Variants in EIF4G3 observed in about 807,000 individuals in gnomAD.
The protein encoded by EIF4G3 is eukaryotic translation initiation factor 4 gamma 3, also known as eIF-4-gamma 3.
Under a neutral mutation model 186.4 loss-of-function variants are expected in EIF4G3, and 34 were observed. The observed-to-expected ratio is 0.18, with a 90% CI of 0.14 to 0.24. The LOEUF is 0.24. Ranked by LOEUF, EIF4G3 falls within the 10% of genes least tolerant of loss-of-function variation. EIF4G3 has a pLI of 1.00. For synonymous variants in EIF4G3, 673 were observed against 679.5 expected (o/e 0.99, Z 0.15); for missense variants, 1,536 against 1,948.5 (o/e 0.79, Z 3.99).
chr1:21,117,802 G>A (rs1173273263), intron 2 of EIF4G3, among the ~76,000 whole-genome samples: 1 of 149,784 alleles, frequency 6.7e-6, no homozygotes, highest in Non-Finnish European at 1.5e-5. Flanking sequence ...CGCCTCTTTA[G>A]GGGATATCTC....
intron 13 of EIF4G3, among the ~76,000 whole-genome samples, chr1:20,946,984 A>AT (rs2095978405): frequency 6.6e-6 from 1 of 152,222 alleles, no homozygotes; most frequent in Non-Finnish European, 1.5e-5. Flanking sequence ...TGGGAGTAAT[A>AT]TAACAATCTT....
Position 20,853,567 on chromosome 1 carries a change from A to T in EIF4G3, c.3544T>A (p.Leu1182Ile), listed in dbSNP as rs1171327726. The change falls in exon 27 of 37, where the codon TTA becomes ATA. Residue 1182 changes from leucine to isoleucine, a missense_variant. Leu to Ile is a conservative substitution (Grantham distance 5, BLOSUM62 2). Around this residue, in one of 11 missense-constraint regions of EIF4G3, gnomAD observed 395 missense variants for 498.9 expected, o/e 0.79. Transcript: ENST00000602326. The part of the protein sequence containing the change: ...TPVEFDSRRT[L>I]TSRGSMGREK... The stretch of plus-strand genomic sequence containing the variant: ...AAAAAGCAGGGTTCTCACCTAGTTA[A>T]GGTCCTTCGGGAATCAAACTCTACA... The T allele has an allele frequency of 6.2e-7, 1 of 1,610,966 alleles. No homozygotes were observed. Among genetic ancestry groups the T allele is most frequent in the Non-Finnish European group, 8.5e-7 (1 of 1,177,288 alleles).
chr1:20,954,038 C>T (rs894657276), intron 12 of EIF4G3, among the ~76,000 whole-genome samples: 1 of 152,158 alleles, frequency 6.6e-6, no homozygotes, highest in Non-Finnish European at 1.5e-5. Flanking sequence ...AAAATATTTG[C>T]TGACCTGTAT....
chr1:20,810,784 T>A lies in EIF4G3; in HGVS notation c.4698A>T (p.Ala1566=), dbSNP rs753444949. 7 of 1,614,032 alleles carry A rather than the reference T, an allele frequency of 4.3e-6. No homozygotes were observed. Residue 1566 remains alanine (A), a synonymous_variant, in exon 36 of 37, where the codon GCA becomes GCT. Coordinates refer to ENST00000602326, the MANE Select transcript of EIF4G3 (RefSeq NM_001391906.1). This position sits in a 1 kb window ranked among gnomAD's most constrained non-coding sequence, Gnocchi z 4.1. Reference sequence around the variant, plus strand: ...CTATCGATGCTTGTAGTGCATAAAGTGCTTGCAGTTCCTTCTCTGTATCTG... The same window carrying A: ...CTATCGATGCTTGTAGTGCATAAAGAGCTTGCAGTTCCTTCTCTGTATCTG... The part of the protein sequence containing the change: ...LDSDTEKELQ[A]LYALQASIVK...
chr1:21,021,272 C>T (rs2090609382), intron 4 of EIF4G3, among the ~76,000 whole-genome samples: 2 of 152,346 alleles, frequency 1.3e-5, no homozygotes, highest in East Asian at 1.9e-4. Context: ...TCATAAACCA[C>T]TGTGCCCAGC....
At chr1:21,113,667 A>G (rs1307482841) in intron 2 of EIF4G3, among the ~76,000 whole-genome samples, 2 of 152,154 alleles carry the variant, frequency 1.3e-5, no homozygotes, top group Non-Finnish European at 2.9e-5. Context: ...CCTGGAAAAT[A>G]CTGGTGCACT....
chr1:20,917,633 A>G (rs1018238054), intron 14 of EIF4G3, among the ~76,000 whole-genome samples: 3 of 152,236 alleles, frequency 2.0e-5, no homozygotes, highest in African/African-American at 7.2e-5. Flanking sequence ...GTAGTAGTGC[A>G]GGAGGGAGGG....
chr1:20,878,088 A>G (rs1378806106), intron 20 of EIF4G3, among the ~76,000 whole-genome samples: 2 of 152,162 alleles, frequency 1.3e-5, no homozygotes, highest in Non-Finnish European at 2.9e-5. Context: ...GCTGGTCTCA[A>G]ACTCCTGATC....
intron 14 of EIF4G3, among the ~76,000 whole-genome samples, chr1:20,926,936 A>T (rs561524130): frequency 5.4e-4 from 82 of 152,352 alleles, no homozygotes; most frequent in African/African-American, 1.9e-3. Flanking sequence ...CAATATGCAT[A>T]AAGTACTACG....
intron 14 of EIF4G3, among the ~76,000 whole-genome samples, chr1:20,910,180 A>G (rs779057523): frequency 6.6e-6 from 1 of 152,218 alleles, no homozygotes; most frequent in Non-Finnish European, 1.5e-5. Flanking sequence ...GGAGACAATT[A>G]AAATTAAAAA....
intron 7 of EIF4G3, among the ~76,000 whole-genome samples, chr1:20,984,557 T>TAC (rs1028577507): frequency 1.0e-5 from 1 of 97,694 alleles, no homozygotes; most frequent in African/African-American, 3.5e-5. Flanking sequence ...TATATATATA[T>TAC]ATACACACAC....
chr1:21,164,874 T>C (rs888712720), intron 2 of EIF4G3, among the ~76,000 whole-genome samples: 3 of 151,970 alleles, frequency 2.0e-5, no homozygotes, highest in Non-Finnish European at 2.9e-5. Context: ...AATGAAAAGA[T>C]AAGCCACTAA....
intron 2 of EIF4G3, among the ~76,000 whole-genome samples, chr1:21,133,386 G>T (rs564806624): frequency 1.3e-4 from 20 of 152,082 alleles, no homozygotes; most frequent in African/African-American, 4.6e-4. Flanking sequence ...CACCACGCCC[G>T]GCTAATTTTT....
chr1:20,986,088 T>C (rs2079403290), intron 7 of EIF4G3, among the ~76,000 whole-genome samples: 1 of 152,172 alleles, frequency 6.6e-6, no homozygotes, highest in Non-Finnish European at 1.5e-5. Flanking sequence ...CTCCCTAGCA[T>C]CCTGTCCCTC....
At chr1:20,866,995 A>G (rs902228867) in intron 20 of EIF4G3, among the ~76,000 whole-genome samples, 1 of 152,220 alleles carries the variant, frequency 6.6e-6, no homozygotes, top group African/African-American at 2.4e-5. Context: ...TAGAAAAGAG[A>G]GAAATGAGGA....
intron 4 of EIF4G3, among the ~76,000 whole-genome samples, chr1:21,044,073 A>G (rs999998505): frequency 6.6e-6 from 1 of 152,204 alleles, no homozygotes; most frequent in Non-Finnish European, 1.5e-5. Context: ...AAAGCCTACC[A>G]TGATTCTTTG....
chr1:20,877,939 G>A (rs532083186), intron 20 of EIF4G3, among the ~76,000 whole-genome samples: 1 of 152,312 alleles, frequency 6.6e-6, no homozygotes, highest in Admixed American at 6.5e-5. Context: ...AGCCTCCTGA[G>A]TTCAAGTGAT....
chr1:21,011,810 T>G (rs910997320), intron 4 of EIF4G3, among the ~76,000 whole-genome samples: 2 of 152,208 alleles, frequency 1.3e-5, no homozygotes, highest in African/African-American at 4.8e-5. Flanking sequence ...TATACTGTAT[T>G]GATCAAGTGA....
intron 18 of EIF4G3, among the ~76,000 whole-genome samples, chr1:20,892,943 T>C (rs1183141032): frequency 6.6e-6 from 1 of 152,114 alleles, no homozygotes; most frequent in African/African-American, 2.4e-5. Context: ...GTTCTTGTTT[T>C]GTCACCCAGA....
Sources: gnomAD v4.1 joint callset for allele counts (sites outside exome capture counted in the v4.1 genomes callset) on GRCh38, gnomAD v4.1.1 for gene constraint, gnomAD v4.1.1 regional missense constraint, Gnocchi (gnomAD v3.1) non-coding constraint, MANE v1.5 for transcripts, NCBI Gene and HGNC (gene_info 2026-07-23, HGNC 2026-07-21) for gene names.